Variants in TENM4 observed in about 807,000 individuals in gnomAD.
The protein encoded by TENM4 is teneurin transmembrane protein 4.
Under a neutral mutation model 243.3 loss-of-function variants are expected in TENM4, and 82 were observed. The ratio of observed to expected loss-of-function variants is 0.34; its 90% CI spans 0.28 to 0.40. The LOEUF (loss-of-function observed/expected upper bound fraction) is 0.40, where lower values mean the gene tolerates loss of function less well. Among genes scored for constraint, TENM4 ranks in the 10% least tolerant of loss-of-function variants. The probability of loss-of-function intolerance (pLI) is 1.00; values close to 1 mark genes in which losing one functional copy is unlikely to be tolerated. For missense variants in TENM4, 3,138 were observed against 3,673.3 expected (o/e 0.85, Z 3.77); for synonymous variants, 1,412 against 1,456.3 (o/e 0.97, Z 0.69).
chr11:79,362,795 T>C (rs1857612052), intron 1 of TENM4, among the ~76,000 whole-genome samples: 1 of 152,212 alleles, frequency 6.6e-6, no homozygotes, highest in African/African-American at 2.4e-5. Context: ...TAGTCTACCA[T>C]GGGAGTGTTG....
intron 1 of TENM4, among the ~76,000 whole-genome samples, chr11:79,421,621 G>C (rs930433584): frequency 1.3e-5 from 2 of 151,712 alleles, no homozygotes; most frequent in Non-Finnish European, 2.9e-5. Context: ...GCTTGAAAGA[G>C]AGTCATCTCG....
At chr11:78,736,281 T>G (rs1855790679) in intron 20 of TENM4, among the ~76,000 whole-genome samples, 1 of 152,158 alleles carries the variant, frequency 6.6e-6, no homozygotes, top group South Asian at 2.1e-4. Context: ...TGGCCCCCAA[T>G]TTTTAATTCA....
intron 1 of TENM4, among the ~76,000 whole-genome samples, chr11:79,316,596 A>G (rs11600210): frequency 0.26 from 40,207 of 152,046 alleles, 5,546 homozygotes; most frequent in African/African-American, 0.32. Flanking sequence ...ATCACCCTTA[A>G]AACAAGTATT....
chr11:79,333,246 C>CCA (rs1857090619), intron 1 of TENM4, among the ~76,000 whole-genome samples: 1 of 134,150 alleles, frequency 7.5e-6, no homozygotes. Context: ...ATCCATCCAT[C>CCA]TATCCATCCA....
chr11:78,675,675 G>A (rs980192706), intron 30 of TENM4, among the ~76,000 whole-genome samples: 1 of 152,184 alleles, frequency 6.6e-6, no homozygotes, highest in African/African-American at 2.4e-5. Flanking sequence ...TAGGTTCTAA[G>A]TAGCTGAGCT....
At chr11:79,337,933 G>T (rs1330055890) in intron 1 of TENM4, among the ~76,000 whole-genome samples, 1 of 152,194 alleles carries the variant, frequency 6.6e-6, no homozygotes, top group East Asian at 1.9e-4. Flanking sequence ...GCCAGATCAG[G>T]GTCCTTCCTC....
intron 7 of TENM4, among the ~76,000 whole-genome samples, chr11:78,897,076 T>C (rs1462522711): frequency 6.6e-6 from 1 of 152,148 alleles, no homozygotes; most frequent in Non-Finnish European, 1.5e-5. Flanking sequence ...CTGCTTTCCT[T>C]TGGGGAGTCT....
At position 78,701,831 on chromosome 11, in the gene TENM4, C is replaced by A. The variant is rs1565339040; in HGVS notation, c.4782G>T (p.Lys1594Asn). ...QELYLFDTTG[K>N]HLYTQSLPTG... ...TGGGCAGGCTTTGGGTGTACAGGTG[C>A]TTGCCGGTGGTATCAAACAGATAGA... The change falls in exon 28 of 34, where the codon AAG becomes AAT. Residue 1594 changes from lysine to asparagine, a missense_variant. This residue lies in a region of TENM4 where 2,467 missense variants were observed against 3,059.1 expected (regional missense o/e 0.81). Coordinates refer to ENST00000278550, the MANE Select transcript of TENM4 (RefSeq NM_001098816.3). 6.2e-7 allele frequency: 1 copy of A among 1,613,988 alleles called. No individual in the cohort carries two copies. The highest frequency in any genetic ancestry group is 8.5e-7 in the Non-Finnish European group (1 of 1,179,886).
intron 6 of TENM4, among the ~76,000 whole-genome samples, chr11:79,036,670 G>C (rs561655946): frequency 6.6e-6 from 1 of 152,298 alleles, no homozygotes; most frequent in East Asian, 1.9e-4. Context: ...CAACTGAGTT[G>C]ATGTTGTAGG....
intron 3 of TENM4, among the ~76,000 whole-genome samples, chr11:79,157,374 C>T (rs181716049): frequency 5.3e-4 from 81 of 152,282 alleles, no homozygotes; most frequent in Admixed American, 4.9e-3. Context: ...GAGTAAATCT[C>T]TGACTTCTTT....
chr11:78,953,563 T>G (rs147717523), intron 6 of TENM4, among the ~76,000 whole-genome samples: 1 of 152,034 alleles, frequency 6.6e-6, no homozygotes, highest in Non-Finnish European at 1.5e-5. Context: ...TCCAAATCCA[T>G]GGACTCAACC....
intron 1 of TENM4, among the ~76,000 whole-genome samples, chr11:79,306,353 G>T (rs1244701612): frequency 3.9e-5 from 6 of 152,148 alleles, no homozygotes; most frequent in Admixed American, 2.0e-4. Context: ...CATCAGAAAA[G>T]CTTTATAGAA....
chr11:79,100,713 A>G (rs576968294), intron 4 of TENM4, among the ~76,000 whole-genome samples: 1 of 152,294 alleles, frequency 6.6e-6, no homozygotes, highest in Non-Finnish European at 1.5e-5. Flanking sequence ...AGAAGTCCAT[A>G]TGGTGAAGGG....
intron 1 of TENM4, among the ~76,000 whole-genome samples, chr11:79,416,372 C>G (rs566198683): frequency 1.3e-5 from 2 of 152,272 alleles, no homozygotes; most frequent in Admixed American, 6.5e-5. Context: ...ATATCCTCAC[C>G]AACACGTGTA....
chr11:79,131,463 T>A (rs370324943), intron 4 of TENM4, among the ~76,000 whole-genome samples: 2 of 152,176 alleles, frequency 1.3e-5, no homozygotes, highest in Non-Finnish European at 2.9e-5. Context: ...ACAGTCTTTT[T>A]CAGACAAACA....
rs780208260 is a variant in TENM4 at position 78,676,153 on chromosome 11, C to T, written c.5495G>A (p.Arg1832Gln). Residue 1832 changes from arginine to glutamine, a missense_variant and splice_region_variant, in exon 30 of 34, where the codon CGG becomes CAG. By Grantham distance (43) the Arg-to-Gln change is conservative (BLOSUM62 1). Coordinates refer to ENST00000278550, the MANE Select transcript of TENM4 (RefSeq NM_001098816.3). The part of the protein sequence containing the change: ...GQVTVFGRRL[R>Q]VHNRNLLSLD... ...GCCACCTCCAGAGGCCTCGCTCACC[C>T]GCAGCCGGCGCCCAAAGACAGTGAC... 3 of 1,507,674 alleles carry T rather than the reference C, an allele frequency of 2.0e-6. No individual in the cohort carries two copies. Among genetic ancestry groups the T allele is most frequent in the African/African-American group, 1.4e-5 (1 of 72,562 alleles). 93.4% of individuals were successfully genotyped at this position (1,507,674 alleles called of 1,614,324 possible).
chr11:79,373,093 T>C (rs2135512074), intron 1 of TENM4, among the ~76,000 whole-genome samples: 1 of 152,308 alleles, frequency 6.6e-6, no homozygotes, highest in African/African-American at 2.4e-5. Flanking sequence ...AGACATTAAA[T>C]ATATGTAAAG....
intron 6 of TENM4, among the ~76,000 whole-genome samples, chr11:78,920,218 A>AT (rs1166758124): frequency 6.6e-6 from 1 of 152,002 alleles, no homozygotes; most frequent in Admixed American, 6.6e-5. Context: ...TTTCTCAAAT[A>AT]TTTTTTTCCT....
intron 2 of TENM4, among the ~76,000 whole-genome samples, chr11:79,249,834 T>C (rs997608335): frequency 1.3e-5 from 2 of 152,204 alleles, no homozygotes; most frequent in Non-Finnish European, 2.9e-5. Flanking sequence ...AGTCAGAAGA[T>C]GTATGTCAGG....
Sources: allele counts gnomAD v4.1 joint callset (sites outside exome capture counted in the v4.1 genomes callset), GRCh38; gene constraint gnomAD v4.1.1; regional missense constraint gnomAD v4.1.1; transcripts MANE v1.5; gene names NCBI Gene and HGNC (gene_info 2026-07-23, HGNC 2026-07-21).